ZKSCAN5: variants seen among roughly 807,000 people sequenced by gnomAD.
ZKSCAN5 encodes zinc finger with KRAB and SCAN domains 5, also known as zinc finger protein with KRAB and SCAN domains 5.
ZKSCAN5 carries 28 observed loss-of-function variants against 60.0 expected under a neutral mutation model. The ratio of observed to expected loss-of-function variants is 0.47; its 90% CI spans 0.35 to 0.64. The LOEUF is 0.64. ZKSCAN5 is among the 30% of genes least tolerant of loss of function. The pLI, the probability that ZKSCAN5 is intolerant of heterozygous loss-of-function variation, is 0.01. For missense variants in ZKSCAN5, 881 were observed against 1,034.6 expected (o/e 0.85, Z 2.04); for synonymous variants, 361 against 371.2 (o/e 0.97, Z 0.31).
At chr7:99,507,974 G>A (rs1481910691) in intron 2 of ZKSCAN5, among the ~76,000 whole-genome samples, 1 of 151,870 alleles carries the variant, frequency 6.6e-6, no homozygotes, top group Non-Finnish European at 1.5e-5. Flanking sequence ...ACTGTAGAAG[G>A]AATGCTTGAA....
intron 3 of ZKSCAN5, among the ~76,000 whole-genome samples, chr7:99,517,809 T>G (rs1801331667): frequency 1.3e-5 from 2 of 151,370 alleles, no homozygotes; most frequent in Non-Finnish European, 2.9e-5. Context: ...ATTGCACCAC[T>G]GTACTCCAGC....
At chr7:99,516,892 C>G (rs1372828662) in intron 3 of ZKSCAN5, among the ~76,000 whole-genome samples, 1 of 152,214 alleles carries the variant, frequency 6.6e-6, no homozygotes, top group African/African-American at 2.4e-5. Context: ...TGGCACTCTT[C>G]ACGCTGTGCT....
chr7:99,519,899 C>A lies in ZKSCAN5; in HGVS notation c.626C>A (p.Thr209Asn), dbSNP rs1801447712. The change falls in exon 4 of 7, where the codon ACT (threonine) becomes AAT (asparagine). Residue 209 changes from threonine to asparagine, a missense_variant. Physicochemically the swap from Thr to Asn is moderately conservative, Grantham distance 65. Around this residue, in one of 5 missense-constraint regions of ZKSCAN5, gnomAD observed 490 missense variants for 554.5 expected, o/e 0.88. Coordinates refer to ENST00000326775, the MANE Select transcript of ZKSCAN5 (RefSeq NM_145102.4). ...GAGCTGACAGCTTCACTTCTCTCAA[C>A]TGGGTCCCAGGTGAGCTGGTGCCCC... ...SQELTASLLS[T>N]GSQKLVKIEE... 1 of 1,614,054 alleles carries A rather than the reference C, an allele frequency of 6.2e-7. No homozygotes were observed. The highest frequency in any genetic ancestry group is 8.5e-7 in the Non-Finnish European group (1 of 1,180,048).
Position 99,525,814 on chromosome 7 carries a change from T to G in ZKSCAN5, c.774T>G (p.Gly258=). The G allele has an allele frequency of 6.3e-7, 1 of 1,591,212 alleles. No individual in the cohort carries two copies. Among genetic ancestry groups the G allele is most frequent in the South Asian group, 1.1e-5 (1 of 88,822 alleles). ...TTAATTCTCCCTCTGTTATTTCAGGTTATGAGTCCAGGGACAATATGGAGC... is the reference window on the plus strand; with the variant it reads ...TTAATTCTCCCTCTGTTATTTCAGGGTATGAGTCCAGGGACAATATGGAGC... ...KENYGSITSM[G]YESRDNMELI... The change falls in exon 6 of 7, where the codon GGT becomes GGG. Residue 258 remains glycine (G), a splice_region_variant and synonymous_variant. Transcript: ENST00000326775.
chr7:99,526,296 A>G lies in ZKSCAN5; in HGVS notation c.1256A>G (p.Gln419Arg). ...KAFRVSSHLV[Q>R]HHSVHSGERP... ...TTCCGGGTGAGTTCCCACCTGGTTC[A>G]GCACCACAGTGTCCACAGCGGAGAG... Residue 419 changes from glutamine to arginine, a missense_variant, in exon 6 of 7, where the codon CAG becomes CGG. By Grantham distance (43) the Gln-to-Arg change is conservative (BLOSUM62 1). Transcript: ENST00000326775. The G allele has an allele frequency of 6.2e-7, 1 of 1,613,012 alleles. No individual in the cohort carries two copies. Among genetic ancestry groups the G allele is most frequent in the Non-Finnish European group, 8.5e-7 (1 of 1,180,022 alleles).
chr7:99,515,231 C>G (rs1167650801), intron 3 of ZKSCAN5, among the ~76,000 whole-genome samples: 1 of 151,332 alleles, frequency 6.6e-6, no homozygotes, highest in Non-Finnish European at 1.5e-5. Flanking sequence ...GTGGTGAAAC[C>G]CCGTCTCTAC....
intron 2 of ZKSCAN5, among the ~76,000 whole-genome samples, chr7:99,512,006 T>C (rs1801055883): frequency 6.6e-6 from 1 of 152,106 alleles, no homozygotes; most frequent in Non-Finnish European, 1.5e-5. Flanking sequence ...GTTAGCCAGA[T>C]TGGTCTTGAT....
rs1001230513 is a variant in ZKSCAN5, at chr7:99,519,690, G to T, written c.554-137G>T. The T allele has an allele frequency of 3.7e-5, 27 of 720,464 alleles. No individual in the cohort carries two copies. The African/African-American group carries it at 4.7e-4, about 13-fold the overall frequency. The allele number at this position is 720,464 out of a possible 1,614,324, so 44.6% of individuals were successfully genotyped here. On this transcript the variant is annotated intron_variant, in intron 3 of 6. Transcript: ENST00000326775. ...TGTGAGAGGATCCAGAAATTAGAGGGTCTTGACAGCCAGGCAGAAGAATTT... is the reference window on the plus strand; with the variant it reads ...TGTGAGAGGATCCAGAAATTAGAGGTTCTTGACAGCCAGGCAGAAGAATTT...
chr7:99,510,380 CAGTT>C (rs1056182395), intron 2 of ZKSCAN5, among the ~76,000 whole-genome samples: 2 of 151,878 alleles, frequency 1.3e-5, no homozygotes, highest in Non-Finnish European at 2.9e-5. Flanking sequence ...AATTTTTATA[CAGTT>C]AGTTAAGTAT....
intron 3 of ZKSCAN5, among the ~76,000 whole-genome samples, chr7:99,515,993 C>CTT (rs1219636117): frequency 6.9e-6 from 1 of 145,716 alleles, no homozygotes. Context: ...CTCATCTTTG[C>CTT]TTTTTTTTTT....
At position 99,533,002 on chromosome 7, in the gene ZKSCAN5, C is replaced by T. The variant is rs61477482; in HGVS notation, c.*753C>T. 10 of 209,948 alleles carry T rather than the reference C, an allele frequency of 4.8e-5. No individual in the cohort carries two copies. The highest frequency in any genetic ancestry group is 7.7e-5 in the South Asian group (1 of 13,070). 13.0% of individuals were successfully genotyped at this position (209,948 alleles called of 1,614,324 possible). ...TGTACTGGTCAGTCACATCTTACGGCGAAGGGAGAGGGACCTTAGGGGAGC... is the reference window on the plus strand; with the variant it reads ...TGTACTGGTCAGTCACATCTTACGGTGAAGGGAGAGGGACCTTAGGGGAGC... On this transcript the variant is annotated 3_prime_UTR_variant, in exon 7 of 7. Coordinates refer to ENST00000326775, the MANE Select transcript of ZKSCAN5 (RefSeq NM_145102.4).
At chr7:99,508,035 C>T (rs184765669) in intron 2 of ZKSCAN5, among the ~76,000 whole-genome samples, 17 of 152,294 alleles carry the variant, frequency 1.1e-4, no homozygotes, top group Non-Finnish European at 2.1e-4. Flanking sequence ...CACGGTAGCT[C>T]ATGCCTGTAA....
chr7:99,529,056 T>C (rs1003039535), intron 6 of ZKSCAN5, among the ~76,000 whole-genome samples: 21 of 152,212 alleles, frequency 1.4e-4, no homozygotes, highest in African/African-American at 5.1e-4. Context: ...TAGTCAGATA[T>C]TCCCTGACTG....
intron 3 of ZKSCAN5, among the ~76,000 whole-genome samples, chr7:99,513,537 G>A (rs1470067545): frequency 1.3e-4 from 19 of 151,958 alleles, no homozygotes; most frequent in Admixed American, 1.2e-3. Context: ...GGGACTACAG[G>A]TGCCTGCCAC....
chr7:99,526,294 T>TC lies in ZKSCAN5; in HGVS notation c.1255dup (p.Gln419ProfsTer16). ...CTTTCCGGGTGAGTTCCCACCTGGT[T>TC]CAGCACCACAGTGTCCACAGCGGAG... is the stretch of plus-strand genomic sequence containing the variant. On this transcript the variant is annotated frameshift_variant, in exon 6 of 7. Coordinates refer to ENST00000326775, the MANE Select transcript of ZKSCAN5 (RefSeq NM_145102.4). LOFTEE classifies it high-confidence loss of function. The TC allele has an allele frequency of 6.2e-7, 1 of 1,613,052 alleles. No individual in the cohort carries two copies. The highest frequency in any genetic ancestry group is 1.1e-5 in the South Asian group (1 of 91,080).
In ZKSCAN5 at chr7:99,532,168, TTG is replaced by T. The variant is rs747110806; in HGVS notation, c.2441_2442del (p.Cys814Ter). 3.7e-6 allele frequency: 6 copies of T among 1,613,504 alleles called. No individual in the cohort carries two copies. Among genetic ancestry groups the T allele is most frequent in the Non-Finnish European group, 5.1e-6 (6 of 1,179,990 alleles). On this transcript the variant is annotated frameshift_variant, in exon 7 of 7. Transcript: ENST00000326775. LOFTEE classifies it low-confidence loss of function (END_TRUNC). ...AATGTGGAATGAATTTCAGCTGGAG[TTG>T]TAGCCTCTTTAAACACCTGAGAAGC... The part of the protein sequence containing the change: ...KECGMNFSWS[C>X]SLFKHLRSHE...
intron 5 of ZKSCAN5, among the ~76,000 whole-genome samples, chr7:99,524,127 G>A (rs1801668931): frequency 6.7e-6 from 1 of 150,032 alleles, no homozygotes; most frequent in Admixed American, 6.7e-5. Flanking sequence ...CTGGAGTGCA[G>A]TGGTGTGATC....
At chr7:99,510,953 A>G (rs1217286972) in intron 2 of ZKSCAN5, among the ~76,000 whole-genome samples, 1 of 152,054 alleles carries the variant, frequency 6.6e-6, no homozygotes, top group Non-Finnish European at 1.5e-5. Flanking sequence ...CATGTTGCCC[A>G]AGCTGGTCTC....
At chr7:99,508,025 C>A (rs1167783070) in intron 2 of ZKSCAN5, among the ~76,000 whole-genome samples, 2 of 152,080 alleles carry the variant, frequency 1.3e-5, no homozygotes, top group Non-Finnish European at 1.5e-5. Context: ...GTAGGCCGGG[C>A]ACGGTAGCTC....
Sources: gnomAD v4.1 joint callset for allele counts (sites outside exome capture counted in the v4.1 genomes callset) on GRCh38, gnomAD v4.1.1 for gene constraint, gnomAD v4.1.1 regional missense constraint, MANE v1.5 for transcripts, NCBI Gene and HGNC (gene_info 2026-07-23, HGNC 2026-07-21) for gene names.